ABLIM2: variants seen among roughly 807,000 people sequenced by gnomAD.
ABLIM2 encodes the protein actin binding LIM protein family member 2.
ABLIM2 carries 53 observed loss-of-function variants against 97.7 expected under a neutral mutation model. The observed-to-expected ratio is 0.54, with a 90% confidence interval of 0.44 to 0.68. ABLIM2 has a LOEUF of 0.68. Ranked by LOEUF, ABLIM2 falls within the 30% of genes least tolerant of loss-of-function variation. ABLIM2 has a pLI of 0.00. For missense variants in ABLIM2, 835 were observed against 867.2 expected (o/e 0.96, Z 0.47); for synonymous variants, 361 against 345.8 (o/e 1.04, Z -0.49).
Position 8,096,994 on chromosome 4 carries a change from G to A in ABLIM2, c.338+105C>T, listed in dbSNP as rs1254950433. The A allele has an allele frequency of 5.9e-6, 8 of 1,355,494 alleles. No homozygotes were observed. The Admixed American group carries it at 1.0e-4, about 17-fold the overall frequency. 84.0% of individuals were successfully genotyped at this position (1,355,494 alleles called of 1,614,324 possible). ...GAACAGCCTCGCTGCAGGATGCAGA[G>A]GGCGGGTCACGGGAGGGAGCAGGAG... On this transcript the variant is annotated intron_variant, in intron 3 of 20. Transcript: ENST00000447017.
intron 1 of ABLIM2, among the ~76,000 whole-genome samples, chr4:8,126,212 C>T (rs1466947144): frequency 6.6e-6 from 1 of 152,202 alleles, no homozygotes; most frequent in Admixed American, 6.5e-5. Flanking sequence ...GCAGAACCCA[C>T]AGGCCAGAAG....
At chr4:8,144,006 C>A (rs1851412702) in intron 1 of ABLIM2, among the ~76,000 whole-genome samples, 1 of 152,192 alleles carries the variant, frequency 6.6e-6, no homozygotes, top group Non-Finnish European at 1.5e-5. Flanking sequence ...AAACCACCAG[C>A]CCCCACCCTG....
In ABLIM2 at chr4:8,036,285, C is replaced by T. The variant is rs747805272; in HGVS notation, c.911G>A (p.Gly304Asp). 1.9e-6 allele frequency: 3 copies of T among 1,613,740 alleles called. No homozygotes were observed. In the Admixed American group the frequency reaches 5.0e-5, roughly 27 times the overall value. Residue 304 changes from glycine (G) to aspartate (D), a missense_variant, in exon 10 of 21, where the codon GGT becomes GAT. Physicochemically the swap from Gly to Asp is moderately conservative, Grantham distance 94. Transcript: ENST00000447017. The stretch of plus-strand genomic sequence containing the variant: ...GTCCCTGTAGTCCAGGATCTCACCA[C>T]CAAGCTTGGCCTGAGAGGGGAAAGA... ...SPSRVIYAKL[G>D]GEILDYRDLA...
intron 16 of ABLIM2, among the ~76,000 whole-genome samples, chr4:8,006,041 C>T (rs915698094): frequency 1.3e-5 from 2 of 150,332 alleles, no homozygotes; most frequent in Admixed American, 6.6e-5. Context: ...CATGCCCTTG[C>T]CGCTGAGTGA....
intron 20 of ABLIM2, among the ~76,000 whole-genome samples, chr4:7,969,748 C>G (rs1412926092): frequency 1.3e-5 from 2 of 151,606 alleles, no homozygotes; most frequent in Non-Finnish European, 2.9e-5. Context: ...CACACACACA[C>G]ACACACACAC....
intron 11 of ABLIM2, 119 bp downstream of exon 11, chr4:8,029,537 T>C: frequency 8.2e-7 from 1 of 1,222,982 alleles, no homozygotes; most frequent in Non-Finnish European, 1.1e-6. Context: ...ATTTCCATCA[T>C]ATTTCCAGTT....
At chr4:8,094,332 C>T (rs1830304520) in intron 3 of ABLIM2, among the ~76,000 whole-genome samples, 1 of 152,196 alleles carries the variant, frequency 6.6e-6, no homozygotes, top group Non-Finnish European at 1.5e-5. Context: ...GACAAAACTC[C>T]TCAAACACCG....
intron 1 of ABLIM2, among the ~76,000 whole-genome samples, 158 bp from the exon 2 acceptor site, chr4:8,106,795 T>C (rs936400749): frequency 1.3e-5 from 2 of 152,190 alleles, no homozygotes; most frequent in Admixed American, 6.5e-5. Flanking sequence ...TGTTGTCTCC[T>C]TTTGCCTGGG....
rs1055494815 is a variant in ABLIM2, at chr4:8,004,902, G to C, written c.1618+3157C>G. Among the ~76,000 whole-genome samples, 4 of 152,238 alleles carry C rather than the reference G, an allele frequency of 2.6e-5. No individual in the cohort carries two copies. Among genetic ancestry groups the C allele is most frequent in the Admixed American group, 6.5e-5 (1 of 15,288 alleles). On this transcript the variant is annotated intron_variant, in intron 16 of 20. Coordinates refer to ENST00000447017, the MANE Select transcript of ABLIM2 (RefSeq NM_001130083.2). The surrounding 1 kb of genome is among the most constrained non-coding windows in gnomAD (Gnocchi z 5.9). ...CCTCTTTGGAGGGGTGGCAATGCCTGCTGGGAACTAATGGAATGGGGATGG... is the reference window on the plus strand; with the variant it reads ...CCTCTTTGGAGGGGTGGCAATGCCTCCTGGGAACTAATGGAATGGGGATGG...
In ABLIM2 at chr4:7,983,253, C is replaced by A; in HGVS notation, c.1824+11G>T. The A allele has an allele frequency of 6.2e-6, 10 of 1,606,140 alleles. No homozygotes were observed. Among genetic ancestry groups the A allele is most frequent in the Non-Finnish European group, 8.5e-6 (10 of 1,176,800 alleles). ...GAAATGAGTCCCCTGCCCCGGCAGT[C>A]CCCCGCTTACCTCCAGTCTCGTCCG... On this transcript the variant is annotated intron_variant, in intron 20 of 20. Transcript: ENST00000447017.
At chr4:8,042,961 G>A (rs1385966735) in intron 9 of ABLIM2, among the ~76,000 whole-genome samples, 1 of 151,974 alleles carries the variant, frequency 6.6e-6, no homozygotes, top group Admixed American at 6.6e-5. Context: ...GACCAGCCCG[G>A]GCAACATAAA....
intron 16 of ABLIM2, chr4:8,007,333 C>T: frequency 1.0e-6 from 1 of 985,416 alleles, no homozygotes; most frequent in Non-Finnish European, 1.2e-6. Flanking sequence ...GGTCTTTCTT[C>T]TGCTCTCACA....
At chr4:8,081,728 G>T (rs1011557323) in intron 4 of ABLIM2, among the ~76,000 whole-genome samples, 2 of 152,170 alleles carry the variant, frequency 1.3e-5, no homozygotes, top group African/African-American at 4.8e-5. Flanking sequence ...TCAGGGGCGG[G>T]GAGTGGGAGG....
At chr4:7,993,156 T>G (rs971838074) in intron 16 of ABLIM2, among the ~76,000 whole-genome samples, 2 of 152,190 alleles carry the variant, frequency 1.3e-5, no homozygotes, top group Admixed American at 6.5e-5. Flanking sequence ...ACACCGGAAA[T>G]GCCACAGAAC....
At chr4:7,967,423 G>A (rs1723777177) in intron 20 of ABLIM2, among the ~76,000 whole-genome samples, 1 of 152,250 alleles carries the variant, frequency 6.6e-6, no homozygotes. Flanking sequence ...ACCCCCACCT[G>A]CGTGCAAATG....
Position 8,054,689 on chromosome 4 carries a change from T to G in ABLIM2, c.764-443A>C, listed in dbSNP as rs1797991083. ...TGCAGAGACAGCTGGTGCTGCAACC[T>G]GGGTGGGAGCCAGCCTTGGGGAGGA... is the stretch of plus-strand genomic sequence containing the variant. On this transcript the variant is annotated intron_variant, in intron 7 of 20. Coordinates refer to ENST00000447017, the MANE Select transcript of ABLIM2 (RefSeq NM_001130083.2). The surrounding 1 kb of genome is among the most constrained non-coding windows in gnomAD (Gnocchi z 4.9). Among the ~76,000 whole-genome samples the G allele has an allele frequency of 6.6e-6, 1 of 152,158 alleles. No homozygotes were observed. The highest frequency in any genetic ancestry group is 1.5e-5 in the Non-Finnish European group (1 of 68,016).
At position 7,996,031 on chromosome 4, in the gene ABLIM2, C is replaced by T. The variant is rs540148991; in HGVS notation, c.1619-3104G>A. On this transcript the variant is annotated intron_variant, in intron 16 of 20. Coordinates refer to ENST00000447017, the MANE Select transcript of ABLIM2 (RefSeq NM_001130083.2). This position sits in a 1 kb window ranked among gnomAD's most constrained non-coding sequence, Gnocchi z 4.5. ...CTGGGGTCCTCCAGGAGACACCTTC[C>T]TCCTCCTTCATGCCCAGAGCCAGGC... is the stretch of plus-strand genomic sequence containing the variant. Among the ~76,000 whole-genome samples, 1 of 152,300 alleles carries T rather than the reference C, an allele frequency of 6.6e-6. No individual in the cohort carries two copies. The highest frequency in any genetic ancestry group is 1.5e-5 in the Non-Finnish European group (1 of 68,004).
rs375992272 is a variant in ABLIM2, at chr4:8,136,740, G to A, written c.10+21940C>T. On this transcript the variant is annotated intron_variant, in intron 1 of 20. Transcript: ENST00000447017. Reference sequence around the variant, plus strand: ...GGTGCATGACATTTTCCCACTCAGTGTGGCTAAATGTACACCTCACTGCCT... The same window carrying A: ...GGTGCATGACATTTTCCCACTCAGTATGGCTAAATGTACACCTCACTGCCT... Among the ~76,000 whole-genome samples, 16 of 152,246 alleles carry A rather than the reference G, an allele frequency of 1.1e-4. No individual in the cohort carries two copies. The East Asian group carries it at 2.1e-3, about 20-fold the overall frequency.
chr4:8,090,318 G>T (rs1300416210), intron 3 of ABLIM2, among the ~76,000 whole-genome samples: 1 of 152,212 alleles, frequency 6.6e-6, no homozygotes, highest in African/African-American at 2.4e-5. Context: ...CCTGGAACAA[G>T]CTACTCAGCC....
Sources: allele counts gnomAD v4.1 joint callset (sites outside exome capture counted in the v4.1 genomes callset), GRCh38; gene constraint gnomAD v4.1.1; non-coding constraint Gnocchi (gnomAD v3.1); transcripts MANE v1.5; gene names NCBI Gene and HGNC (gene_info 2026-07-23, HGNC 2026-07-21).